SLC10A6: variants seen among roughly 807,000 people sequenced by gnomAD.
SLC10A6 encodes the protein sodium-dependent organic anion transporter.
In SLC10A6, 27 loss-of-function variants were observed where a neutral mutation model predicts 30.0. The ratio of observed to expected loss-of-function variants is 0.90; its 90% CI spans 0.66 to 1.24. SLC10A6 has a LOEUF of 1.24. Among genes scored for constraint, SLC10A6 ranks in the 50% most tolerant of loss-of-function variants. The pLI, the probability that SLC10A6 is intolerant of heterozygous loss-of-function variation, is 0.00. For synonymous variants in SLC10A6, 166 were observed against 173.8 expected, an observed-to-expected ratio of 0.95 and a Z score of 0.36; for missense variants, 439 against 457.0, an observed-to-expected ratio of 0.96 and a Z score of 0.36.
intron 1 of SLC10A6, among the ~76,000 whole-genome samples, chr4:86,847,744 G>A (rs1015565943): frequency 6.6e-6 from 1 of 152,148 alleles, no homozygotes; most frequent in African/African-American, 2.4e-5. Context: ...TCAACTCCCA[G>A]CTCAGTCATT....
In SLC10A6 at chr4:86,849,199, T is replaced by C. The variant is rs1328049990; in HGVS notation, c.-84A>G. The stretch of plus-strand genomic sequence containing the variant: ...TCTATCCTGCCACATTTTGTAATAG[T>C]GCAACGAAGTCACACATGGAGAATC... On this transcript the variant is annotated 5_prime_UTR_variant, in exon 1 of 6. Transcript: ENST00000273905. The C allele has an allele frequency of 1.4e-6, 2 of 1,463,016 alleles. No homozygotes were observed. Among genetic ancestry groups the C allele is most frequent in the Non-Finnish European group, 1.8e-6 (2 of 1,086,334 alleles). The allele number at this position is 1,463,016 out of a possible 1,614,324, so 90.6% of individuals were successfully genotyped here. A position where few individuals can be genotyped will look rare whatever the true frequency, so the allele number is the denominator to read the frequency against.
rs1229495733 is a variant in SLC10A6, at chr4:86,828,060, T to C, written c.694A>G (p.Ile232Val). The change falls in exon 4 of 6, where the codon ATC becomes GTC. Residue 232 changes from isoleucine to valine, a missense_variant. Transcript: ENST00000273905. ...SDITLLTISFIFPLIGHVTGF... is the reference protein window; with the variant it reads ...SDITLLTISFVFPLIGHVTGF... ...GTGACATGGCCAATCAAAGGAAAGA[T>C]GAAACTGATGGTCAGAAGGGTGATG... The C allele has an allele frequency of 6.2e-7, 1 of 1,613,756 alleles. No individual in the cohort carries two copies. The highest frequency in any genetic ancestry group is 8.5e-7 in the Non-Finnish European group (1 of 1,179,900).
At chr4:86,824,591 T>G (rs896356953) in intron 5 of SLC10A6, among the ~76,000 whole-genome samples, 1 of 152,128 alleles carries the variant, frequency 6.6e-6, no homozygotes, top group Non-Finnish European at 1.5e-5. Flanking sequence ...TTTTTTTCTT[T>G]TTCGACTTTT....
At chr4:86,830,774 T>C (rs551349551) in intron 3 of SLC10A6, among the ~76,000 whole-genome samples, 1 of 152,324 alleles carries the variant, frequency 6.6e-6, no homozygotes, top group East Asian at 1.9e-4. Context: ...TGAGATTTAC[T>C]ACATGAAACT....
chr4:86,834,407 C>T (rs1482722170), intron 1 of SLC10A6, among the ~76,000 whole-genome samples: 2 of 152,182 alleles, frequency 1.3e-5, no homozygotes, highest in African/African-American at 2.4e-5. Context: ...CATGGCAACT[C>T]ACATGGGCTA....
chr4:86,847,517 G>A lies in SLC10A6; in HGVS notation c.377+1222C>T, dbSNP rs552771465. On this transcript the variant is annotated intron_variant, in intron 1 of 5. Transcript: ENST00000273905. ...ATATTAGTGGCTTTGTATATGAGTG[G>A]CTTTTACCATTAAGGTAAAACACAA... Among the ~76,000 whole-genome samples the A allele has an allele frequency of 4.6e-5, 7 of 152,070 alleles. No individual in the cohort carries two copies. The South Asian group carries it at 8.3e-4, about 18-fold the overall frequency.
chr4:86,828,139 A>G lies in SLC10A6; in HGVS notation c.615T>C (p.Leu205=). The part of the protein sequence containing the change: ...KIGAVVGGVL[L]LVVAVAGVVL... ...CCACACCAGCAACTGCGACCACCAGAAGGAGGACCCCACCAACAACGGCCC... is the reference window on the plus strand; with the variant it reads ...CCACACCAGCAACTGCGACCACCAGGAGGAGGACCCCACCAACAACGGCCC... The change falls in exon 4 of 6, where the codon CTT becomes CTC. Residue 205 remains leucine, a synonymous_variant. Transcript: ENST00000273905. The G allele has an allele frequency of 6.2e-7, 1 of 1,613,442 alleles. No homozygotes were observed. Among genetic ancestry groups the G allele is most frequent in the Non-Finnish European group, 8.5e-7 (1 of 1,179,712 alleles).
intron 1 of SLC10A6, among the ~76,000 whole-genome samples, chr4:86,836,333 C>G (rs528225219): frequency 1.7e-4 from 26 of 152,292 alleles, no homozygotes; most frequent in Middle Eastern, 3.4e-3. Flanking sequence ...ATCGTGATTA[C>G]TGCTATGGTC....
chr4:86,836,329 A>G (rs187343592), intron 1 of SLC10A6, among the ~76,000 whole-genome samples: 1 of 152,224 alleles, frequency 6.6e-6, no homozygotes, highest in Non-Finnish European at 1.5e-5. Context: ...GTGTATCGTG[A>G]TTACTGCTAT....
intron 1 of SLC10A6, among the ~76,000 whole-genome samples, chr4:86,835,776 A>G (rs1259074949): frequency 6.6e-6 from 1 of 152,182 alleles, no homozygotes; most frequent in Non-Finnish European, 1.5e-5. Context: ...AAAAGAAAAG[A>G]AAAGGAAGGG....
intron 1 of SLC10A6, among the ~76,000 whole-genome samples, chr4:86,840,548 A>G (rs1040058262): frequency 1.3e-5 from 2 of 152,120 alleles, no homozygotes; most frequent in Non-Finnish European, 2.9e-5. Flanking sequence ...TATATTTTCA[A>G]CTGACTTAAA....
At chr4:86,837,635 G>T (rs979455932) in intron 1 of SLC10A6, 5 of 985,190 alleles carry the variant, frequency 5.1e-6, no homozygotes, top group African/African-American at 1.7e-5. Flanking sequence ...CTCCCAAATC[G>T]CAAGTTAAGG....
intron 1 of SLC10A6, among the ~76,000 whole-genome samples, chr4:86,846,353 T>C (rs1323325882): frequency 6.6e-6 from 1 of 152,160 alleles, no homozygotes; most frequent in Non-Finnish European, 1.5e-5. Flanking sequence ...AGCTAATATT[T>C]ATTGCACAAC....
intron 3 of SLC10A6, among the ~76,000 whole-genome samples, chr4:86,830,355 G>C (rs1746058300): frequency 1.3e-5 from 2 of 152,158 alleles, no homozygotes; most frequent in Admixed American, 1.3e-4. Flanking sequence ...CTATGATCGT[G>C]TCATTGCACT....
intron 1 of SLC10A6, among the ~76,000 whole-genome samples, chr4:86,846,899 T>A (rs1746402760): frequency 6.6e-6 from 1 of 152,188 alleles, no homozygotes; most frequent in Non-Finnish European, 1.5e-5. Context: ...AGATAAGAGT[T>A]GGCAAAAGAA....
At chr4:86,834,077 A>G (rs1418855385) in intron 1 of SLC10A6, among the ~76,000 whole-genome samples, 1 of 152,238 alleles carries the variant, frequency 6.6e-6, no homozygotes, top group East Asian at 1.9e-4. Flanking sequence ...TTGATTCCCA[A>G]CGTTGGAGGC....
intron 1 of SLC10A6, among the ~76,000 whole-genome samples, chr4:86,836,148 A>G (rs1156918426): frequency 6.6e-6 from 1 of 152,238 alleles, no homozygotes; most frequent in East Asian, 1.9e-4. Flanking sequence ...CAACAAATCC[A>G]GAATGATTTC....
chr4:86,823,912 A>T lies in SLC10A6; in HGVS notation c.920-10T>A, dbSNP rs573997447. The T allele has an allele frequency of 1.3e-6, 2 of 1,589,820 alleles. No homozygotes were observed. Among genetic ancestry groups the T allele is most frequent in the Admixed American group, 1.7e-5 (1 of 57,724 alleles). The stretch of plus-strand genomic sequence containing the variant: ...TTGTACGTCTGATATGCTAGGTGTT[A>T]AAACATACAAGTATTAACAATCACT... On this transcript the variant is annotated splice_polypyrimidine_tract_variant and intron_variant, in intron 5 of 5. Transcript: ENST00000273905.
intron 4 of SLC10A6, among the ~76,000 whole-genome samples, chr4:86,827,790 C>A (rs1170806286): frequency 6.6e-6 from 1 of 151,998 alleles, no homozygotes; most frequent in Non-Finnish European, 1.5e-5. Flanking sequence ...TCAATTTGGC[C>A]TTTGCTTTAA....
Sources: gnomAD v4.1 joint callset for allele counts (sites outside exome capture counted in the v4.1 genomes callset) on GRCh38, gnomAD v4.1.1 for gene constraint, MANE v1.5 for transcripts, NCBI Gene and HGNC (gene_info 2026-07-23, HGNC 2026-07-21) for gene names.